Variants in NEGR1 observed in about 807,000 individuals in gnomAD.
NEGR1 encodes IgLON family member 4.
Under a neutral mutation model 40.9 loss-of-function variants are expected in NEGR1, and 10 were observed. The observed-to-expected ratio is 0.24, with a 90% CI of 0.15 to 0.42. The LOEUF is 0.42. Among genes scored for constraint, NEGR1 ranks in the 10% least tolerant of loss-of-function variants. The probability of loss-of-function intolerance (pLI) is 1.00; values close to 1 mark genes in which losing one functional copy is unlikely to be tolerated. For missense variants in NEGR1, 352 were observed against 438.9 expected, an observed-to-expected ratio of 0.80 and a Z score of 1.77; for synonymous variants, 185 against 166.8, an observed-to-expected ratio of 1.11 and a Z score of -0.84.
intron 1 of NEGR1, among the ~76,000 whole-genome samples, chr1:72,101,937 A>G (rs932506745): frequency 6.6e-6 from 1 of 152,290 alleles, no homozygotes; most frequent in Non-Finnish European, 1.5e-5. Context: ...TGCTTTAAAT[A>G]CATGTTAGTT....
intron 1 of NEGR1, among the ~76,000 whole-genome samples, chr1:72,124,544 C>T (rs1404543508): frequency 6.6e-6 from 1 of 152,040 alleles, no homozygotes. Context: ...GCATATATTA[C>T]TGGAAAGCAA....
chr1:72,087,453 T>C (rs954151849), intron 1 of NEGR1, among the ~76,000 whole-genome samples: 6 of 150,916 alleles, frequency 4.0e-5, no homozygotes, highest in African/African-American at 1.5e-4. Flanking sequence ...TATATATATA[T>C]ATTATTACTT....
At chr1:72,196,219 C>A (rs1293275573) in intron 1 of NEGR1, among the ~76,000 whole-genome samples, 1 of 151,954 alleles carries the variant, frequency 6.6e-6, no homozygotes, top group East Asian at 1.9e-4. Context: ...AGAAAATGCT[C>A]ACTGGAACAT....
At chr1:71,615,551 A>G (rs1650421624) in intron 4 of NEGR1, among the ~76,000 whole-genome samples, 1 of 152,226 alleles carries the variant, frequency 6.6e-6, no homozygotes, top group Non-Finnish European at 1.5e-5. Context: ...AGGTGGAAAC[A>G]TGTTTAACAG....
At chr1:71,447,107 C>G (rs562334840) in intron 6 of NEGR1, among the ~76,000 whole-genome samples, 4 of 152,304 alleles carry the variant, frequency 2.6e-5, no homozygotes, top group Non-Finnish European at 5.9e-5. Context: ...GGAGAGGCAG[C>G]GGGCCTTACT....
intron 2 of NEGR1, among the ~76,000 whole-genome samples, chr1:71,854,195 ATTTTTGGTACCTT>A (rs372499880): frequency 4.9e-4 from 75 of 152,196 alleles, no homozygotes; most frequent in African/African-American, 1.7e-3. Context: ...CCATCAAAAT[ATTTTTGGTACCTT>A]TTACATACTT....
chr1:71,556,257 A>AT (rs1183348311), intron 6 of NEGR1, among the ~76,000 whole-genome samples: 1 of 151,568 alleles, frequency 6.6e-6, no homozygotes, highest in Non-Finnish European at 1.5e-5. Context: ...TAGAACTCAC[A>AT]TTTTTATGAA....
At chr1:72,078,362 T>C (rs1647839918) in intron 1 of NEGR1, among the ~76,000 whole-genome samples, 1 of 152,072 alleles carries the variant, frequency 6.6e-6, no homozygotes, top group Non-Finnish European at 1.5e-5. Flanking sequence ...ACCTTTTACC[T>C]TTGAGCTAAA....
chr1:71,792,952 T>C (rs1234216620), intron 2 of NEGR1, among the ~76,000 whole-genome samples: 1 of 151,964 alleles, frequency 6.6e-6, no homozygotes, highest in Non-Finnish European at 1.5e-5. Context: ...ACAACTAAAT[T>C]ATGATTCCCA....
intron 6 of NEGR1, among the ~76,000 whole-genome samples, chr1:71,434,793 TA>T (rs1195092825): frequency 6.6e-6 from 1 of 152,090 alleles, no homozygotes; most frequent in East Asian, 1.9e-4. Context: ...TTACTATAGT[TA>T]AAAAAACAAG....
chr1:71,733,663 T>G (rs1183619310), intron 3 of NEGR1, among the ~76,000 whole-genome samples: 2 of 152,132 alleles, frequency 1.3e-5, no homozygotes, highest in African/African-American at 4.8e-5. Context: ...GAAGCTAGGA[T>G]AAGTAGAATG....
intron 6 of NEGR1, among the ~76,000 whole-genome samples, chr1:71,419,479 A>G (rs1376822455): frequency 1.3e-5 from 2 of 152,170 alleles, no homozygotes; most frequent in East Asian, 3.8e-4. Flanking sequence ...CATTAATTAT[A>G]CTATTAGCAG....
At chr1:72,268,291 T>C (rs1345646857) in intron 1 of NEGR1, among the ~76,000 whole-genome samples, 1 of 151,500 alleles carries the variant, frequency 6.6e-6, no homozygotes, top group Non-Finnish European at 1.5e-5. Context: ...CATTCACGTA[T>C]ATTATTATAG....
At chr1:71,963,092 T>C (rs924355777) in intron 1 of NEGR1, among the ~76,000 whole-genome samples, 1 of 117,818 alleles carries the variant, frequency 8.5e-6, no homozygotes, top group Non-Finnish European at 1.9e-5. Context: ...TCGATATCTA[T>C]TTTTTTTTAA....
intron 6 of NEGR1, among the ~76,000 whole-genome samples, chr1:71,508,521 G>T (rs1339568356): frequency 6.6e-6 from 1 of 152,182 alleles, no homozygotes; most frequent in African/African-American, 2.4e-5. Flanking sequence ...ACCCAATCAT[G>T]TTGGTAATTA....
chr1:72,153,905 A>G (rs1239362337), intron 1 of NEGR1, among the ~76,000 whole-genome samples: 2 of 151,860 alleles, frequency 1.3e-5, no homozygotes, highest in Non-Finnish European at 2.9e-5. Context: ...TAATTTAAAC[A>G]AACTAAGGGC....
At chr1:71,979,324 A>G (rs139243231) in intron 1 of NEGR1, among the ~76,000 whole-genome samples, 7 of 152,268 alleles carry the variant, frequency 4.6e-5, no homozygotes, top group African/African-American at 1.7e-4. Context: ...GTTTACCTAC[A>G]TAACAAACCA....
intron 6 of NEGR1, among the ~76,000 whole-genome samples, chr1:71,494,485 C>T (rs1459423502): frequency 1.3e-5 from 2 of 152,144 alleles, no homozygotes; most frequent in African/African-American, 2.4e-5. Context: ...AGACTCTGCC[C>T]TATGTATCTA....
chr1:72,240,512 A>C (rs1654697034), intron 1 of NEGR1, among the ~76,000 whole-genome samples: 1 of 151,826 alleles, frequency 6.6e-6, no homozygotes, highest in Non-Finnish European at 1.5e-5. Context: ...GCATTTCTTC[A>C]AAGAATTGTA....
Sources: allele counts gnomAD v4.1 joint callset (sites outside exome capture counted in the v4.1 genomes callset), GRCh38; gene constraint gnomAD v4.1.1; transcripts MANE v1.5; gene names NCBI Gene and HGNC (gene_info 2026-07-23, HGNC 2026-07-21).